Variants in CNTN3 observed in about 807,000 individuals in gnomAD.
The protein encoded by CNTN3 is contactin 3, also known as contactin-3.
A neutral mutation model predicts 119.1 loss-of-function variants in CNTN3; 60 were observed. The observed-to-expected ratio is 0.50, with a 90% CI of 0.41 to 0.62. The LOEUF (loss-of-function observed/expected upper bound fraction) is 0.62, where lower values mean the gene tolerates loss of function less well. Among genes scored for constraint, CNTN3 ranks in the 20% least tolerant of loss-of-function variants. CNTN3 has a pLI of 0.00. For synonymous variants in CNTN3, 450 were observed against 438.7 expected (o/e 1.03, Z -0.32); for missense variants, 1,101 against 1,242.4 (o/e 0.89, Z 1.71).
intron 1 of CNTN3, among the ~76,000 whole-genome samples, chr3:74,546,227 C>G (rs976750397): frequency 6.6e-6 from 1 of 152,146 alleles, no homozygotes; most frequent in Admixed American, 6.5e-5. Flanking sequence ...GATCTCTTGA[C>G]CTCATGATCA....
intron 1 of CNTN3, among the ~76,000 whole-genome samples, chr3:74,582,921 T>A (rs1704537498): frequency 6.6e-6 from 1 of 152,136 alleles, no homozygotes; most frequent in South Asian, 2.1e-4. Flanking sequence ...ATATTTACAG[T>A]TGTCTCATTC....
At chr3:74,489,441 T>C (rs943284320) in intron 3 of CNTN3, among the ~76,000 whole-genome samples, 1 of 132,598 alleles carries the variant, frequency 7.5e-6, no homozygotes, top group Non-Finnish European at 1.8e-5. Flanking sequence ...TTTCTTTTCT[T>C]CCTTCCCTTC....
chr3:74,452,953 T>A (rs1702189288), intron 4 of CNTN3, among the ~76,000 whole-genome samples: 1 of 151,244 alleles, frequency 6.6e-6, no homozygotes, highest in Admixed American at 6.6e-5. Flanking sequence ...GCAATGTTCA[T>A]CAAGGATATT....
chr3:74,427,867 G>C (rs969749365), intron 4 of CNTN3, among the ~76,000 whole-genome samples: 1 of 151,924 alleles, frequency 6.6e-6, no homozygotes, highest in Admixed American at 6.6e-5. Flanking sequence ...ATTACAGAAT[G>C]CTAATGAAAA....
intron 17 of CNTN3, among the ~76,000 whole-genome samples, chr3:74,299,255 A>G (rs551824997): frequency 5.9e-5 from 9 of 152,224 alleles, no homozygotes; most frequent in Non-Finnish European, 8.8e-5. Flanking sequence ...GCTATACTTG[A>G]GTCGTGTCAA....
intron 4 of CNTN3, among the ~76,000 whole-genome samples, chr3:74,452,385 A>C (rs1702176170): frequency 7.6e-6 from 1 of 132,038 alleles, no homozygotes; most frequent in Non-Finnish European, 1.6e-5. Context: ...GACTTTGCTG[A>C]AGTTGCTTAT....
intron 2 of CNTN3, among the ~76,000 whole-genome samples, chr3:74,504,888 C>T (rs1703226594): frequency 6.6e-6 from 1 of 152,130 alleles, no homozygotes; most frequent in South Asian, 2.1e-4. Context: ...CAAAGTACCA[C>T]AGACTGGGTG....
At chr3:74,508,696 T>G (rs920409180) in intron 2 of CNTN3, among the ~76,000 whole-genome samples, 1 of 152,182 alleles carries the variant, frequency 6.6e-6, no homozygotes, top group South Asian at 2.1e-4. Context: ...TTCCATCTGA[T>G]GTGCTTTATC....
intron 10 of CNTN3, among the ~76,000 whole-genome samples, chr3:74,363,922 G>A (rs1046496205): frequency 2.0e-5 from 3 of 151,956 alleles, no homozygotes; most frequent in Non-Finnish European, 4.4e-5. Context: ...ATATTCTTCT[G>A]GACAATTGCT....
In CNTN3 at chr3:74,551,449, G is replaced by A. The variant is rs999471531; in HGVS notation, c.-80-30257C>T. 4.0e-5 allele frequency among the ~76,000 whole-genome samples: 6 copies of A among 151,832 alleles called. No homozygotes were observed. The East Asian group carries it at 5.9e-4, about 15-fold the overall frequency. ...TATCCCCAACCAGGGTGGTACATTTGTTATAACTGATGAGCCTACACTGAC... is the reference window on the plus strand; with the variant it reads ...TATCCCCAACCAGGGTGGTACATTTATTATAACTGATGAGCCTACACTGAC... On this transcript the variant is annotated intron_variant, in intron 1 of 22. Transcript: ENST00000263665.
At chr3:74,455,570 G>A (rs958806672) in intron 4 of CNTN3, among the ~76,000 whole-genome samples, 1 of 152,000 alleles carries the variant, frequency 6.6e-6, no homozygotes, top group Non-Finnish European at 1.5e-5. Flanking sequence ...GAGGAGGAGA[G>A]GTGCTCTCCT....
At chr3:74,580,575 G>T (rs1312607649) in intron 1 of CNTN3, among the ~76,000 whole-genome samples, 2 of 151,956 alleles carry the variant, frequency 1.3e-5, no homozygotes, top group African/African-American at 4.8e-5. Context: ...TACAAAATTG[G>T]TTTAATACTC....
At chr3:74,503,016 T>C (rs1703192224) in intron 2 of CNTN3, among the ~76,000 whole-genome samples, 1 of 152,206 alleles carries the variant, frequency 6.6e-6, no homozygotes, top group Non-Finnish European at 1.5e-5. Flanking sequence ...ATGAGGCAGA[T>C]ACTATTTTAC....
chr3:74,559,096 A>G (rs1298498867), intron 1 of CNTN3, among the ~76,000 whole-genome samples: 2 of 152,044 alleles, frequency 1.3e-5, no homozygotes, highest in Non-Finnish European at 2.9e-5. Context: ...ATTAGCTATT[A>G]TTAGTATCAT....
At chr3:74,505,689 C>A (rs759319926) in intron 2 of CNTN3, among the ~76,000 whole-genome samples, 30 of 151,282 alleles carry the variant, frequency 2.0e-4, no homozygotes, top group Non-Finnish European at 2.9e-4. Context: ...AACCAATGCT[C>A]TAGAAAAAAA....
chr3:74,612,553 G>A (rs1488954448), intron 1 of CNTN3, among the ~76,000 whole-genome samples: 2 of 152,084 alleles, frequency 1.3e-5, no homozygotes, highest in East Asian at 3.9e-4. Flanking sequence ...TGTCTGTGGC[G>A]GCCACAGCCT....
At chr3:74,497,964 C>G (rs1024823395) in intron 3 of CNTN3, among the ~76,000 whole-genome samples, 1 of 151,744 alleles carries the variant, frequency 6.6e-6, no homozygotes, top group African/African-American at 2.4e-5. Context: ...AGCTCAAGAC[C>G]TTTGGCTATT....
chr3:74,469,550 G>C (rs1392383042), intron 4 of CNTN3, among the ~76,000 whole-genome samples: 1 of 152,180 alleles, frequency 6.6e-6, no homozygotes, highest in East Asian at 1.9e-4. Context: ...GATCTAAATA[G>C]ATATTTCTCA....
chr3:74,281,638 G>A (rs1282479566), intron 20 of CNTN3, among the ~76,000 whole-genome samples: 1 of 152,248 alleles, frequency 6.6e-6, no homozygotes, highest in African/African-American at 2.4e-5. Context: ...GTGAGTCCTC[G>A]TGCCTGGCCA....
Sources: allele counts gnomAD v4.1 joint callset (sites outside exome capture counted in the v4.1 genomes callset), GRCh38; gene constraint gnomAD v4.1.1; transcripts MANE v1.5; gene names NCBI Gene and HGNC (gene_info 2026-07-23, HGNC 2026-07-21).